Variants in CDH4 observed in about 807,000 individuals in gnomAD.
CDH4 encodes the protein cadherin-4.
Under a neutral mutation model 86.0 loss-of-function variants are expected in CDH4, and 33 were observed. The observed-to-expected ratio is 0.38, with a 90% CI of 0.29 to 0.51. The LOEUF is 0.51. CDH4 is among the 20% of genes least tolerant of loss of function. CDH4 has a pLI of 0.86. For missense variants in CDH4, 1,114 were observed against 1,307.4 expected, an observed-to-expected ratio of 0.85 and a Z score of 2.28; for synonymous variants, 555 against 549.4, an observed-to-expected ratio of 1.01 and a Z score of -0.14.
At chr20:61,631,876 G>A (rs1373395557) in intron 2 of CDH4, among the ~76,000 whole-genome samples, 1 of 152,224 alleles carries the variant, frequency 6.6e-6, no homozygotes. Flanking sequence ...CAGGAGGCGT[G>A]TCCTCCCTTG....
chr20:61,297,728 C>G (rs938523106), intron 2 of CDH4, among the ~76,000 whole-genome samples: 2 of 152,244 alleles, frequency 1.3e-5, no homozygotes, highest in African/African-American at 2.4e-5. Flanking sequence ...ACTTTCCTGC[C>G]CTCTCGCGTG....
chr20:61,847,961 T>C (rs1982534763), intron 5 of CDH4, among the ~76,000 whole-genome samples: 1 of 152,140 alleles, frequency 6.6e-6, no homozygotes, highest in Admixed American at 6.5e-5. Context: ...GAGGGCACAT[T>C]TCAAATGAGA....
intron 2 of CDH4, chr20:61,719,594 G>A (rs2145910434): frequency 5.6e-6 from 1 of 178,800 alleles, no homozygotes; most frequent in African/African-American, 2.4e-5. Flanking sequence ...AGTTATGGAT[G>A]CAAAACGCAT....
chr20:61,788,631 A>G (rs1053086892), intron 4 of CDH4, among the ~76,000 whole-genome samples: 2 of 152,220 alleles, frequency 1.3e-5, no homozygotes, highest in Non-Finnish European at 2.9e-5. Context: ...GCAGTCCTGC[A>G]GGAGGCCTGA....
At chr20:61,318,273 A>G (rs778229236) in intron 2 of CDH4, among the ~76,000 whole-genome samples, 2 of 152,194 alleles carry the variant, frequency 1.3e-5, no homozygotes, top group Non-Finnish European at 2.9e-5. Context: ...AAGTTTCCCA[A>G]CAGCCCCGGC....
chr20:61,853,665 C>T (rs765719703), intron 6 of CDH4, among the ~76,000 whole-genome samples: 5 of 152,190 alleles, frequency 3.3e-5, no homozygotes, highest in South Asian at 2.1e-4. Flanking sequence ...ACCCTCAGGG[C>T]GCACATGGGT....
At chr20:61,826,124 G>A (rs964049950) in intron 4 of CDH4, among the ~76,000 whole-genome samples, 7 of 152,150 alleles carry the variant, frequency 4.6e-5, no homozygotes, top group South Asian at 2.1e-4. Flanking sequence ...TAGAATGCAC[G>A]TCAGTAGTGT....
intron 12 of CDH4, among the ~76,000 whole-genome samples, 190 bp downstream of exon 12, chr20:61,928,613 C>T (rs981616564): frequency 1.1e-4 from 16 of 152,232 alleles, no homozygotes; most frequent in Non-Finnish European, 2.1e-4. Context: ...TTGAGGAGGC[C>T]ACCAAGTCAT....
intron 2 of CDH4, among the ~76,000 whole-genome samples, chr20:61,715,122 ATC>A (rs1200239890): frequency 6.6e-6 from 1 of 152,162 alleles, no homozygotes; most frequent in Non-Finnish European, 1.5e-5. Flanking sequence ...GAAAGGTAAT[ATC>A]TCTGTGGTTT....
At chr20:61,358,303 C>G (rs1439632201) in intron 2 of CDH4, among the ~76,000 whole-genome samples, 1 of 152,176 alleles carries the variant, frequency 6.6e-6, no homozygotes, top group Non-Finnish European at 1.5e-5. Context: ...CCTTATTTCC[C>G]GAGGCACCAA....
intron 2 of CDH4, among the ~76,000 whole-genome samples, chr20:61,423,474 A>G (rs964914217): frequency 1.3e-5 from 2 of 152,176 alleles, no homozygotes; most frequent in African/African-American, 4.8e-5. Context: ...CCAGAGTCCA[A>G]AACAGAGACT....
intron 2 of CDH4, among the ~76,000 whole-genome samples, chr20:61,436,237 A>C (rs1209615791): frequency 6.6e-6 from 1 of 151,908 alleles, no homozygotes; most frequent in Non-Finnish European, 1.5e-5. Context: ...TTCGCCCCCA[A>C]CTGCATGGAT....
intron 2 of CDH4, among the ~76,000 whole-genome samples, chr20:61,279,261 C>A (rs2084246021): frequency 6.6e-6 from 1 of 152,230 alleles, no homozygotes; most frequent in African/African-American, 2.4e-5. Flanking sequence ...GGCCATAACC[C>A]TGCCCCAGTG....
chr20:61,359,497 T>C (rs2084772262), intron 2 of CDH4, among the ~76,000 whole-genome samples: 1 of 152,160 alleles, frequency 6.6e-6, no homozygotes. Context: ...TCCCACCACC[T>C]CCACGCGGCA....
intron 2 of CDH4, among the ~76,000 whole-genome samples, chr20:61,399,839 A>G (rs2085040202): frequency 6.6e-6 from 1 of 152,148 alleles, no homozygotes; most frequent in African/African-American, 2.4e-5. Context: ...CTCGGGGACA[A>G]TGGTGCCTTC....
intron 2 of CDH4, among the ~76,000 whole-genome samples, chr20:61,323,205 C>CCTAGAGGACTTCT (rs2084518608): frequency 6.6e-6 from 1 of 152,166 alleles, no homozygotes; most frequent in South Asian, 2.1e-4. Flanking sequence ...GGAGTGTGCA[C>CCTAGAGGACTTCT]CTAGAGGACT....
chr20:61,509,468 C>T (rs2085764321), intron 2 of CDH4, among the ~76,000 whole-genome samples: 1 of 147,836 alleles, frequency 6.8e-6, no homozygotes, highest in Non-Finnish European at 1.5e-5. Flanking sequence ...GCCAGGCTTC[C>T]TGGAGGAGGA....
chr20:61,735,413 A>AC (rs1291483776), intron 2 of CDH4, among the ~76,000 whole-genome samples: 1 of 151,924 alleles, frequency 6.6e-6, no homozygotes, highest in African/African-American at 2.4e-5. Context: ...TCACTCCCCC[A>AC]CCCTCCTCTG....
At chr20:61,677,620 A>T (rs1600864992) in intron 2 of CDH4, among the ~76,000 whole-genome samples, 2 of 123,694 alleles carry the variant, frequency 1.6e-5, no homozygotes, top group South Asian at 5.8e-4. Context: ...GGTTAGTGGG[A>T]TGCATTCTAA....
Sources: allele counts gnomAD v4.1 joint callset (sites outside exome capture counted in the v4.1 genomes callset), GRCh38; gene constraint gnomAD v4.1.1; transcripts MANE v1.5; gene names NCBI Gene and HGNC (gene_info 2026-07-23, HGNC 2026-07-21).